The following PPP2R2B variants were observed in gnomAD, a reference collection of about 807,000 sequenced individuals.
The protein encoded by PPP2R2B is protein phosphatase 2 regulatory subunit Bbeta.
In PPP2R2B, 5 loss-of-function variants were observed where a neutral mutation model predicts 46.0. The ratio of observed to expected loss-of-function variants is 0.11; its 90% CI spans 0.06 to 0.23. The LOEUF (loss-of-function observed/expected upper bound fraction) is 0.23, where lower values mean the gene tolerates loss of function less well. Among genes scored for constraint, PPP2R2B ranks in the 10% least tolerant of loss-of-function variants. PPP2R2B has a pLI of 1.00. For missense variants in PPP2R2B, 367 were observed against 575.0 expected (o/e 0.64, Z 3.70); for synonymous variants, 215 against 206.7 (o/e 1.04, Z -0.34).
At position 146,582,237 on chromosome 5, in the gene PPP2R2B, GAAT is replaced by G. The variant is rs1769929497; in HGVS notation, c.*7707_*7709del. ...TCTTGTTTCCAAGTGGGAGGGTTGA[GAAT>G]AATAGCTCTTGTCACTTCCCTTTGC... On this transcript the variant is annotated 3_prime_UTR_variant, in exon 10 of 10. Coordinates refer to ENST00000394411, the MANE Select transcript of PPP2R2B (RefSeq NM_181675.4). The G allele has an allele frequency of 6.6e-6, 1 of 152,206 alleles. No homozygotes were observed. The highest frequency in any genetic ancestry group is 1.5e-5 in the Non-Finnish European group (1 of 68,060). The allele number at this position is 152,206 out of a possible 1,614,324, so 9.4% of individuals were successfully genotyped here.
At chr5:146,704,308 A>G (rs1336485214) in intron 2 of PPP2R2B, among the ~76,000 whole-genome samples, 2 of 152,226 alleles carry the variant, frequency 1.3e-5, no homozygotes, top group Non-Finnish European at 2.9e-5. Flanking sequence ...TAATTTTGTG[A>G]TATGGTAAGA....
At chr5:146,806,434 C>A (rs149719927) in intron 2 of PPP2R2B, among the ~76,000 whole-genome samples, 1 of 152,032 alleles carries the variant, frequency 6.6e-6, no homozygotes, top group Non-Finnish European at 1.5e-5. Context: ...AGGTATTGCT[C>A]AGCTTGTAAA....
At chr5:146,591,687 A>T (rs973548167) in intron 9 of PPP2R2B, among the ~76,000 whole-genome samples, 10 of 152,102 alleles carry the variant, frequency 6.6e-5, no homozygotes, top group African/African-American at 2.4e-4. Flanking sequence ...AAAAAAAAAA[A>T]AAAGACTACC....
chr5:146,666,280 T>C (rs1776976473), intron 5 of PPP2R2B, among the ~76,000 whole-genome samples: 1 of 152,140 alleles, frequency 6.6e-6, no homozygotes. Flanking sequence ...TATGTATTCA[T>C]AGATACAGAG....
intron 1 of PPP2R2B, among the ~76,000 whole-genome samples, chr5:146,937,677 A>G (rs368580221): frequency 6.6e-6 from 1 of 152,044 alleles, no homozygotes; most frequent in Non-Finnish European, 1.5e-5. Flanking sequence ...AGCCGCAGTT[A>G]CACCTTCACG....
chr5:146,718,588 G>A (rs1344323066), intron 2 of PPP2R2B, among the ~76,000 whole-genome samples: 3 of 152,134 alleles, frequency 2.0e-5, no homozygotes, highest in Admixed American at 6.5e-5. Flanking sequence ...TAAGGTCTAT[G>A]CTGAGCTAAT....
intron 2 of PPP2R2B, among the ~76,000 whole-genome samples, chr5:147,061,052 T>A (rs1361360733): frequency 6.6e-6 from 1 of 152,192 alleles, no homozygotes; most frequent in East Asian, 1.9e-4. Context: ...AGAAAGAGGA[T>A]CCTCTTTGTG....
intron 1 of PPP2R2B, among the ~76,000 whole-genome samples, chr5:147,000,277 C>T (rs1754109962): frequency 1.3e-5 from 2 of 152,100 alleles, no homozygotes; most frequent in African/African-American, 4.8e-5. Flanking sequence ...GTGCCTCATT[C>T]ACTTGATTCT....
intron 5 of PPP2R2B, among the ~76,000 whole-genome samples, chr5:146,690,462 C>A (rs1019506307): frequency 6.6e-6 from 1 of 152,154 alleles, no homozygotes; most frequent in Non-Finnish European, 1.5e-5. Flanking sequence ...GTGCCATAAT[C>A]ATTTGTATAT....
chr5:147,024,819 A>C (rs1025603891), intron 1 of PPP2R2B, among the ~76,000 whole-genome samples: 3 of 152,184 alleles, frequency 2.0e-5, no homozygotes, highest in Non-Finnish European at 4.4e-5. Flanking sequence ...ATAAAGGCAC[A>C]CTTAGAAGAA....
chr5:146,609,801 G>C (rs938400967), intron 7 of PPP2R2B, among the ~76,000 whole-genome samples: 10 of 132,404 alleles, frequency 7.6e-5, no homozygotes, highest in African/African-American at 3.1e-4. Context: ...AAGAAACGGC[G>C]CACCACGAGA....
At chr5:146,847,091 AC>A (rs1188294128) in intron 2 of PPP2R2B, among the ~76,000 whole-genome samples, 1 of 152,204 alleles carries the variant, frequency 6.6e-6, no homozygotes, top group African/African-American at 2.4e-5. Flanking sequence ...CAGAGCTACT[AC>A]CATCATCTAG....
intron 2 of PPP2R2B, among the ~76,000 whole-genome samples, chr5:146,759,542 A>G (rs1241004219): frequency 2.0e-5 from 3 of 152,162 alleles, no homozygotes; most frequent in African/African-American, 7.2e-5. Flanking sequence ...GGGCTTAAGA[A>G]ACTCTTACTT....
intron 2 of PPP2R2B, among the ~76,000 whole-genome samples, chr5:146,848,423 C>T (rs1464293059): frequency 6.6e-6 from 1 of 152,126 alleles, no homozygotes; most frequent in Non-Finnish European, 1.5e-5. Context: ...GTCATGGCTC[C>T]TCAGGCTCCT....
At chr5:146,919,290 C>T (rs983448766) in intron 1 of PPP2R2B, 2 of 152,044 alleles carry the variant, frequency 1.3e-5, no homozygotes, top group African/African-American at 4.8e-5. Context: ...GAAAAAGCTC[C>T]CAGGATTCAG....
At chr5:146,595,803 T>G (rs981179845) in intron 8 of PPP2R2B, among the ~76,000 whole-genome samples, 1 of 152,212 alleles carries the variant, frequency 6.6e-6, no homozygotes, top group African/African-American at 2.4e-5. Context: ...ACTCATCCTA[T>G]TTGATGTTCT....
At chr5:146,636,120 A>G (rs1774803455) in intron 7 of PPP2R2B, among the ~76,000 whole-genome samples, 1 of 152,198 alleles carries the variant, frequency 6.6e-6, no homozygotes. Flanking sequence ...TATTCACATG[A>G]CCACTGTGTT....
chr5:147,040,658 A>G, intron 1 of PPP2R2B: 1 of 415,882 alleles, frequency 2.4e-6, no homozygotes, highest in Non-Finnish European at 4.7e-6. Flanking sequence ...AACATGTAAC[A>G]TATACCCTGG....
At chr5:146,706,648 C>T (rs1312189907) in intron 2 of PPP2R2B, 20 of 832,038 alleles carry the variant, frequency 2.4e-5, no homozygotes, top group Non-Finnish European at 2.9e-5. Flanking sequence ...GAAATCCTCC[C>T]GCCTTTGAGG....
Sources: allele counts gnomAD v4.1 joint callset (sites outside exome capture counted in the v4.1 genomes callset), GRCh38; gene constraint gnomAD v4.1.1; transcripts MANE v1.5; gene names NCBI Gene and HGNC (gene_info 2026-07-23, HGNC 2026-07-21).